ZMIZ1: variants seen among roughly 807,000 people sequenced by gnomAD.
The protein encoded by ZMIZ1 is zinc finger MIZ domain-containing protein 1.
ZMIZ1 carries 17 observed loss-of-function variants against 113.9 expected under a neutral mutation model. The ratio of observed to expected loss-of-function variants is 0.15; its 90% confidence interval spans 0.10 to 0.22. The LOEUF (loss-of-function observed/expected upper bound fraction) is 0.22, where lower values mean the gene tolerates loss of function less well. Among genes scored for constraint, ZMIZ1 ranks in the 10% least tolerant of loss-of-function variants. The probability of loss-of-function intolerance (pLI) is 1.00; values close to 1 mark genes in which losing one functional copy is unlikely to be tolerated. For synonymous variants in ZMIZ1, 607 were observed against 603.1 expected (o/e 1.01, Z -0.09); for missense variants, 1,059 against 1,477.8 (o/e 0.72, Z 4.65).
intron 7 of ZMIZ1, among the ~76,000 whole-genome samples, chr10:79,258,136 C>T (rs1283079791): frequency 3.3e-5 from 5 of 152,190 alleles, no homozygotes; most frequent in African/African-American, 7.2e-5. Context: ...AATCCCAGCA[C>T]TTTGGGAGGC....
At chr10:79,104,353 A>G (rs1287393806) in intron 1 of ZMIZ1, among the ~76,000 whole-genome samples, 4 of 152,162 alleles carry the variant, frequency 2.6e-5, no homozygotes, top group African/African-American at 7.2e-5. Context: ...AGCCATGTGC[A>G]GGGTGGTCAC....
intron 7 of ZMIZ1, among the ~76,000 whole-genome samples, chr10:79,221,325 C>A (rs763782603): frequency 6.6e-6 from 1 of 152,210 alleles, no homozygotes; most frequent in East Asian, 1.9e-4. Flanking sequence ...CGAGCACAGG[C>A]AGTCACTGCA....
At chr10:79,163,867 C>A (rs1846211237) in intron 4 of ZMIZ1, among the ~76,000 whole-genome samples, 1 of 152,196 alleles carries the variant, frequency 6.6e-6, no homozygotes, top group Non-Finnish European at 1.5e-5. Context: ...CTAGGGGAAC[C>A]CCCTGCTAAT....
intron 6 of ZMIZ1, among the ~76,000 whole-genome samples, chr10:79,210,810 G>A (rs1848499875): frequency 3.3e-5 from 5 of 152,198 alleles, no homozygotes; most frequent in Admixed American, 1.3e-4. Context: ...TGATTTGTAT[G>A]GGGGCAGGAG....
intron 8 of ZMIZ1, 72 bp from the exon 9 acceptor site, chr10:79,289,703 G>C: frequency 7.1e-7 from 1 of 1,402,138 alleles, no homozygotes; most frequent in Non-Finnish European, 1.0e-6. Context: ...CACTTGGTGG[G>C]GTGATGGGCA....
chr10:79,141,536 T>C (rs957886731), intron 3 of ZMIZ1, among the ~76,000 whole-genome samples: 2 of 152,042 alleles, frequency 1.3e-5, no homozygotes, highest in Admixed American at 6.5e-5. Context: ...GCCCCCTGAG[T>C]AGCTGGGACT....
rs775673088 is a variant in ZMIZ1 at position 79,299,172 on chromosome 10, C to T, written c.1789C>T (p.His597Tyr). Residue 597 changes from histidine to tyrosine, a missense_variant, in exon 16 of 25, where the codon CAC becomes TAC. Transcript: ENST00000334512. Reference sequence around the variant, plus strand: ...TGTGTTCCACCTGCGGCCCACGGTCCACCAGACGCTGATGTGGAGGTGCGT... The same window carrying T: ...TGTGTTCCACCTGCGGCCCACGGTCTACCAGACGCTGATGTGGAGGTGCGT... ...NHVFHLRPTVHQTLMWRSDLE... is the reference protein window; with the variant it reads ...NHVFHLRPTVYQTLMWRSDLE... 6.2e-7 allele frequency: 1 copy of T among 1,607,262 alleles called. No individual in the cohort carries two copies. Among genetic ancestry groups the T allele is most frequent in the Non-Finnish European group, 8.5e-7 (1 of 1,179,470 alleles).
intron 4 of ZMIZ1, among the ~76,000 whole-genome samples, chr10:79,190,613 A>G (rs1847559243): frequency 2.0e-5 from 3 of 152,190 alleles, no homozygotes. Flanking sequence ...GCAGCTAACT[A>G]AAGGAGTACA....
intron 7 of ZMIZ1, among the ~76,000 whole-genome samples, chr10:79,268,160 C>G (rs1050750669): frequency 5.3e-5 from 8 of 152,236 alleles, no homozygotes; most frequent in Non-Finnish European, 7.3e-5. Context: ...CTAACATGAA[C>G]AGCAGCGCCG....
intron 1 of ZMIZ1, among the ~76,000 whole-genome samples, chr10:79,070,022 C>G (rs1290144252): frequency 6.6e-6 from 1 of 151,770 alleles, no homozygotes; most frequent in Non-Finnish European, 1.5e-5. Flanking sequence ...TGCGCGCGCG[C>G]GTTGCAAATA....
chr10:79,271,305 A>G (rs1851938093), intron 7 of ZMIZ1, among the ~76,000 whole-genome samples: 1 of 152,206 alleles, frequency 6.6e-6, no homozygotes, highest in Admixed American at 6.5e-5. Flanking sequence ...AGAAACACCA[A>G]TCGTGGTGTA....
At chr10:79,129,645 A>T (rs1458784877) in intron 2 of ZMIZ1, among the ~76,000 whole-genome samples, 1 of 151,850 alleles carries the variant, frequency 6.6e-6, no homozygotes, top group African/African-American at 2.4e-5. Context: ...TGTCTGGTGG[A>T]CTCTGAGCTG....
intron 2 of ZMIZ1, among the ~76,000 whole-genome samples, chr10:79,124,664 A>G (rs970851386): frequency 6.6e-6 from 1 of 152,198 alleles, no homozygotes; most frequent in Non-Finnish European, 1.5e-5. Context: ...AGGTAGGTGC[A>G]GCTCTTTCCT....
chr10:79,143,377 C>T (rs2132422939), intron 3 of ZMIZ1, among the ~76,000 whole-genome samples: 1 of 152,260 alleles, frequency 6.6e-6, no homozygotes, highest in Admixed American at 6.5e-5. Flanking sequence ...TCCCTCTGCT[C>T]TGGCTGAGGT....
chr10:79,071,436 A>T (rs772201664), intron 1 of ZMIZ1, among the ~76,000 whole-genome samples: 60 of 152,342 alleles, frequency 3.9e-4, no homozygotes, highest in Admixed American at 2.1e-3. Context: ...CCGGGGCTGG[A>T]GAGCCGGGCA....
intron 7 of ZMIZ1, among the ~76,000 whole-genome samples, chr10:79,238,769 G>GC (rs1212053212): frequency 6.6e-6 from 1 of 152,182 alleles, no homozygotes; most frequent in Non-Finnish European, 1.5e-5. Context: ...AAACCTCCCT[G>GC]CGCCTCTGTT....
intron 7 of ZMIZ1, among the ~76,000 whole-genome samples, chr10:79,217,258 C>T (rs1307387111): frequency 6.6e-6 from 1 of 152,158 alleles, no homozygotes; most frequent in East Asian, 1.9e-4. Flanking sequence ...CCCGTCTCTA[C>T]TAAAAATACA....
At chr10:79,259,271 G>C (rs1232718169) in intron 7 of ZMIZ1, among the ~76,000 whole-genome samples, 1 of 152,146 alleles carries the variant, frequency 6.6e-6, no homozygotes, top group Non-Finnish European at 1.5e-5. Flanking sequence ...CTGTCTTAAA[G>C]CCTCTGGTTT....
intron 8 of ZMIZ1, among the ~76,000 whole-genome samples, chr10:79,286,704 G>A (rs966277397): frequency 1.3e-5 from 2 of 152,252 alleles, no homozygotes; most frequent in African/African-American, 2.4e-5. Context: ...TGGGGCAGAG[G>A]GGACAAAACA....
Sources: gnomAD v4.1 joint callset for allele counts (sites outside exome capture counted in the v4.1 genomes callset) on GRCh38, gnomAD v4.1.1 for gene constraint, MANE v1.5 for transcripts, NCBI Gene and HGNC (gene_info 2026-07-23, HGNC 2026-07-21) for gene names.